Variants in BRD1 observed in about 807,000 individuals in gnomAD.
The protein encoded by BRD1 is bromodomain containing 1, also known as bromodomain-containing protein 1.
BRD1 carries 24 observed loss-of-function variants against 107.7 expected under a neutral mutation model. That is an observed-to-expected ratio of 0.22 (90% CI 0.16 to 0.31). BRD1 has a LOEUF of 0.31. Among genes scored for constraint, BRD1 ranks in the 10% least tolerant of loss-of-function variants. The pLI is 1.00. For missense variants in BRD1, 1,279 were observed against 1,638.6 expected, an observed-to-expected ratio of 0.78 and a Z score of 3.79; for synonymous variants, 744 against 686.1, an observed-to-expected ratio of 1.08 and a Z score of -1.32.
chr22:49,787,480 C>T lies in BRD1; in HGVS notation c.2767G>A (p.Glu923Lys). Reference sequence around the variant, plus strand: ...CTTTTCCTTGGCTGCAGAAGAGTCTCCAACCTCGGAAGGACTACAGACAAA... The same window carrying T: ...CTTTTCCTTGGCTGCAGAAGAGTCTTCAACCTCGGAAGGACTACAGACAAA... ...TFLSVVLPRL[E>K]TLLQPRKRSR... The change falls in exon 8 of 13, where the codon GAG becomes AAG. Residue 923 changes from glutamate (E) to lysine (K), a missense_variant. Transcript: ENST00000404760. 1.2e-6 allele frequency: 2 copies of T among 1,614,250 alleles called. No homozygotes were observed. The highest frequency in any genetic ancestry group is 2.2e-5 in the South Asian group (2 of 91,092).
At chr22:49,818,414 TATTTATC>T in intron 2 of BRD1, 2 of 1,085,194 alleles carry the variant, frequency 1.8e-6, no homozygotes, top group Non-Finnish European at 2.3e-6. Context: ...ATTATGCGTG[TATTTATC>T]CCTCATTTCA....
At chr22:49,818,445 A>AAG (rs920182205) in intron 2 of BRD1, 1 of 1,016,642 alleles carries the variant, frequency 9.8e-7, no homozygotes, top group African/African-American at 1.7e-5. Flanking sequence ...AATAACCAAA[A>AAG]AGAGTTATCA....
chr22:49,801,653 G>A (rs2059643363), intron 3 of BRD1, among the ~76,000 whole-genome samples: 1 of 152,230 alleles, frequency 6.6e-6, no homozygotes, highest in Non-Finnish European at 1.5e-5. Context: ...TCGAGAAGCT[G>A]CCCCCTCTGC....
chr22:49,798,073 G>A lies in BRD1; in HGVS notation c.1830C>T (p.Ala610=). The A allele has an allele frequency of 6.2e-7, 1 of 1,613,806 alleles. No homozygotes were observed. The highest frequency in any genetic ancestry group is 8.5e-7 in the Non-Finnish European group (1 of 1,179,732). The change falls in exon 6 of 13, where the codon GCC becomes GCT. Residue 610 remains alanine, a synonymous_variant. Transcript: ENST00000404760. ...LDHIKHPMDF[A]TMRKRLEAQG... ...GAGCTTCTAACCGTTTCCTCATTGT[G>A]GCAAAGTCCATGGGATGTTTAATGT... is the stretch of plus-strand genomic sequence containing the variant.
Position 49,774,173 on chromosome 22 carries a change from T to C in BRD1, c.*60A>G, listed in dbSNP as rs2059035888. ...TCAGAATAAGTTAAGTTTTGAACAA[T>C]ATACAAACATGTACAGCTTATCAAC... On this transcript the variant is annotated 3_prime_UTR_variant, in exon 13 of 13. Transcript: ENST00000404760. The C allele has an allele frequency of 6.7e-7, 1 of 1,503,306 alleles. No homozygotes were observed. Among genetic ancestry groups the C allele is most frequent in the Non-Finnish European group, 8.9e-7 (1 of 1,120,954 alleles). 93.1% of individuals were successfully genotyped at this position (1,503,306 alleles called of 1,614,324 possible).
chr22:49,798,245 A>C, intron 5 of BRD1, 128 bp from the exon 6 acceptor site: 1 of 1,041,304 alleles, frequency 9.6e-7, no homozygotes, highest in Non-Finnish European at 1.4e-6. Context: ...CGCAGACGGT[A>C]CAGACATAAG....
chr22:49,823,933 G>A lies in BRD1; in HGVS notation c.385C>T (p.Pro129Ser), dbSNP rs2060115678. Residue 129 changes from proline to serine, a missense_variant, in exon 2 of 13, where the codon CCT becomes TCT. Around this residue, in one of 7 missense-constraint regions of BRD1, gnomAD observed 223 missense variants for 263.5 expected, o/e 0.85. Coordinates refer to ENST00000404760, the MANE Select transcript of BRD1 (RefSeq NM_001304808.3). ...EPKVRIVEYS[P>S]PSAPRRPPVY... The stretch of plus-strand genomic sequence containing the variant: ...GGAGGCCTCCTGGGGGCGGACGGAG[G>A]GCTGTACTCCACGATGCGCACCTTG... 1 of 1,614,200 alleles carries A rather than the reference G, an allele frequency of 6.2e-7. No homozygotes were observed. Among genetic ancestry groups the A allele is most frequent in the South Asian group, 1.1e-5 (1 of 91,086 alleles).
At chr22:49,806,159 A>C (rs890802277) in intron 2 of BRD1, 2 of 152,150 alleles carry the variant, frequency 1.3e-5, no homozygotes, top group Admixed American at 1.3e-4. Context: ...ATGAGCCACC[A>C]CACCCAGCCA....
intron 10 of BRD1, 94 bp downstream of exon 10, chr22:49,776,940 G>A: frequency 6.5e-7 from 1 of 1,546,510 alleles, no homozygotes; most frequent in South Asian, 1.2e-5. Flanking sequence ...AGGGCACCAT[G>A]CTCCCTGAGC....
intron 2 of BRD1, chr22:49,818,187 T>G (rs1330054821): frequency 9.5e-7 from 1 of 1,047,196 alleles, no homozygotes; most frequent in Non-Finnish European, 1.2e-6. Flanking sequence ...CTCATTCGAA[T>G]GAAGGTAGGA....
At chr22:49,779,828 CG>C (rs1275409664) in intron 8 of BRD1, among the ~76,000 whole-genome samples, 2 of 152,058 alleles carry the variant, frequency 1.3e-5, no homozygotes, top group East Asian at 3.9e-4. Flanking sequence ...CCACCCAGCT[CG>C]CATCAGCAGT....
chr22:49,799,773 G>A (rs2059608281), intron 3 of BRD1, among the ~76,000 whole-genome samples: 1 of 152,234 alleles, frequency 6.6e-6, no homozygotes, highest in African/African-American at 2.4e-5. Context: ...ATCCACACCA[G>A]GGTGATCAGA....
Position 49,803,251 on chromosome 22 carries a change from G to A in BRD1, c.1524+953C>T, listed in dbSNP as rs73891109. Among the ~76,000 whole-genome samples, 168 of 150,916 alleles carry A rather than the reference G, an allele frequency of 1.1e-3. 1 individual carries two copies. Among genetic ancestry groups the A allele is most frequent in the African/African-American group, 3.9e-3 (158 of 40,208 alleles). On this transcript the variant is annotated intron_variant, in intron 3 of 12. Coordinates refer to ENST00000404760, the MANE Select transcript of BRD1 (RefSeq NM_001304808.3). This position sits in a 1 kb window ranked among gnomAD's most constrained non-coding sequence, Gnocchi z 4.4. ...AGCACCGGCCACCGCACCACCGCAC[G>A]GGGACCCAACCGTGAACCCTGTAGA...
intron 4 of BRD1, 84 bp downstream of exon 4, chr22:49,798,904 G>C (rs2059587383): frequency 1.3e-6 from 2 of 1,512,784 alleles, no homozygotes; most frequent in African/African-American, 2.8e-5. Flanking sequence ...ACCGGGTGCA[G>C]CCCACCCTCT....
intron 2 of BRD1, among the ~76,000 whole-genome samples, chr22:49,819,414 A>G (rs1415440903): frequency 1.3e-5 from 2 of 151,902 alleles, no homozygotes; most frequent in African/African-American, 4.8e-5. Context: ...TTAGCAGGGC[A>G]TGGTGGCACA....
Position 49,803,726 on chromosome 22 carries a change from T to G in BRD1, c.1524+478A>C, listed in dbSNP as rs2059684457. Among the ~76,000 whole-genome samples the G allele has an allele frequency of 6.6e-6, 1 of 151,980 alleles. No homozygotes were observed. The highest frequency in any genetic ancestry group is 2.4e-5 in the African/African-American group (1 of 41,376). On this transcript the variant is annotated intron_variant, in intron 3 of 12. Coordinates refer to ENST00000404760, the MANE Select transcript of BRD1 (RefSeq NM_001304808.3). This position sits in a 1 kb window ranked among gnomAD's most constrained non-coding sequence, Gnocchi z 4.4. ...ACCACAGTCCCAGCTAAACCAACCT[T>G]CAGAGCAAGGCCCTCGAAATAAACC...
intron 8 of BRD1, among the ~76,000 whole-genome samples, chr22:49,781,067 G>A (rs1351033244): frequency 2.0e-5 from 3 of 152,178 alleles, no homozygotes; most frequent in Non-Finnish European, 2.9e-5. Flanking sequence ...AGAGGCGGCG[G>A]CTGCCAGGAA....
At chr22:49,819,717 G>A (rs375284501) in intron 2 of BRD1, among the ~76,000 whole-genome samples, 48 of 151,706 alleles carry the variant, frequency 3.2e-4, no homozygotes, top group African/African-American at 1.1e-3. Flanking sequence ...CCAAAGTGCT[G>A]GCATTACAGG....
At chr22:49,798,173 C>T (rs2059570435) in intron 5 of BRD1, 56 bp from the exon 6 acceptor site, 1 of 1,461,698 alleles carries the variant, frequency 6.8e-7, no homozygotes, top group Non-Finnish European at 9.3e-7. Flanking sequence ...TATTAGTTGA[C>T]TCTATATTTA....
Sources: allele counts gnomAD v4.1 joint callset (sites outside exome capture counted in the v4.1 genomes callset), GRCh38; gene constraint gnomAD v4.1.1; regional missense constraint gnomAD v4.1.1; non-coding constraint Gnocchi (gnomAD v3.1); transcripts MANE v1.5; gene names NCBI Gene and HGNC (gene_info 2026-07-23, HGNC 2026-07-21).